PRKG1: variants seen among roughly 807,000 people sequenced by gnomAD.
PRKG1 encodes the protein protein kinase cGMP-dependent 1, also known as cGMP-dependent protein kinase 1.
PRKG1 carries 35 observed loss-of-function variants against 88.1 expected under a neutral mutation model. The observed-to-expected ratio is 0.40, with a 90% CI of 0.30 to 0.53. PRKG1 has a LOEUF of 0.53. Among genes scored for constraint, PRKG1 ranks in the 20% least tolerant of loss-of-function variants. PRKG1 has a pLI of 0.59. For missense variants in PRKG1, 540 were observed against 839.8 expected (o/e 0.64, Z 4.41); for synonymous variants, 303 against 292.5 (o/e 1.04, Z -0.37).
intron 3 of PRKG1, among the ~76,000 whole-genome samples, chr10:51,495,270 A>G (rs10823082): frequency 0.29 from 43,324 of 151,900 alleles, 7,213 homozygotes; most frequent in East Asian, 0.79. Flanking sequence ...AATTTTTTGT[A>G]TTTTTAGTAG....
intron 9 of PRKG1, 43 bp from the exon 10 acceptor site, chr10:52,251,527 G>C (rs1481464318): frequency 6.8e-7 from 1 of 1,478,162 alleles, no homozygotes; most frequent in South Asian, 1.1e-5. Context: ...ACTCGTGTTT[G>C]CACCTCTAAG....
rs188804190 is a variant in PRKG1, at chr10:51,739,476, C to T, written c.593-65109C>T. On this transcript the variant is annotated intron_variant, in intron 3 of 17. Coordinates refer to ENST00000373980, the MANE Select transcript of PRKG1 (RefSeq NM_006258.4). ...TAACCTCTTTGAATTTTTATATCCC[C>T]AACAATGCCCATCTTCATGGGTATT... Among the ~76,000 whole-genome samples, 8 of 152,224 alleles carry T rather than the reference C, an allele frequency of 5.3e-5. No individual in the cohort carries two copies. The South Asian group carries it at 1.2e-3, about 24-fold the overall frequency.
intron 2 of PRKG1, among the ~76,000 whole-genome samples, chr10:51,296,612 C>T (rs184899652): frequency 1.0e-3 from 154 of 151,934 alleles, no homozygotes; most frequent in Non-Finnish European, 2.4e-4. Flanking sequence ...TTTGTTGATG[C>T]TTTCAAAAAA....
In PRKG1 at chr10:51,410,226, ATG is replaced by A. The variant is rs1160612910; in HGVS notation, c.479-57487_479-57486del. Among the ~76,000 whole-genome samples the A allele has an allele frequency of 7.1e-5, 10 of 141,326 alleles. No individual in the cohort carries two copies. The East Asian group carries it at 7.9e-4, about 11-fold the overall frequency. The allele number at this position is 141,326 out of a possible 152,430, so 92.7% of individuals were successfully genotyped here. A position where few individuals can be genotyped will look rare whatever the true frequency, so the allele number is the denominator to read the frequency against. On this transcript the variant is annotated intron_variant, in intron 2 of 17. Coordinates refer to ENST00000373980, the MANE Select transcript of PRKG1 (RefSeq NM_006258.4). ...ATAAAACTCCCCTTTACATATATAT[ATG>A]TGTGTGTGTATGTGTGTGTGTGTGT...
chr10:51,758,699 T>C (rs1306927894), intron 3 of PRKG1, among the ~76,000 whole-genome samples: 1 of 152,124 alleles, frequency 6.6e-6, no homozygotes, highest in African/African-American at 2.4e-5. Flanking sequence ...TTTATTATAC[T>C]TTAAGTTCTG....
intron 3 of PRKG1, among the ~76,000 whole-genome samples, chr10:51,587,161 T>C (rs532599117): frequency 6.6e-6 from 1 of 152,130 alleles, no homozygotes; most frequent in East Asian, 1.9e-4. Context: ...CTCCTTCTAG[T>C]TGGAAGACTT....
At position 52,080,862 on chromosome 10, in the gene PRKG1, C is replaced by T. The variant is rs11000720; in HGVS notation, c.935+18231C>T. ...TATGCCACCAAGATCACTTTTAAGA[C>T]CATGTCATTCCTCTAGCTGTCCAGA... is the stretch of plus-strand genomic sequence containing the variant. On this transcript the variant is annotated intron_variant, in intron 7 of 17. Transcript: ENST00000373980. 4.6e-4 allele frequency among the ~76,000 whole-genome samples: 70 copies of T among 152,148 alleles called. 1 individual carries two copies. In the East Asian group the frequency reaches 0.013, roughly 27 times the overall value.
intron 14 of PRKG1, among the ~76,000 whole-genome samples, chr10:52,283,515 G>A (rs563292250): frequency 5.7e-4 from 86 of 152,100 alleles, no homozygotes; most frequent in African/African-American, 1.5e-3. Flanking sequence ...CTACAACAAC[G>A]ACAGTCATTG....
intron 3 of PRKG1, among the ~76,000 whole-genome samples, chr10:51,586,660 T>G (rs187499617): frequency 2.0e-5 from 3 of 152,288 alleles, no homozygotes; most frequent in African/African-American, 7.2e-5. Flanking sequence ...TAGCTCTGTT[T>G]AAAAATTTCT....
chr10:51,721,212 T>TAAAAAAAAAAAA (rs55873432), intron 3 of PRKG1, among the ~76,000 whole-genome samples: 3 of 122,070 alleles, frequency 2.5e-5, no homozygotes, highest in African/African-American at 9.4e-5. Context: ...CAAGACCTAT[T>TAAAAAAAAAAAA]AAAAAAAAAA....
At chr10:52,278,808 C>A (rs1365047867) in intron 12 of PRKG1, among the ~76,000 whole-genome samples, 1 of 150,352 alleles carries the variant, frequency 6.7e-6, no homozygotes, top group East Asian at 2.0e-4. Context: ...GAGGCTGAGG[C>A]AGGAGGATCA....
chr10:52,221,704 CACAA>C (rs1275529651), intron 9 of PRKG1, among the ~76,000 whole-genome samples: 9 of 152,160 alleles, frequency 5.9e-5, no homozygotes, highest in African/African-American at 2.2e-4. Flanking sequence ...GTTTTACATA[CACAA>C]ACAAGATGAT....
intron 1 of PRKG1, among the ~76,000 whole-genome samples, chr10:51,020,666 A>G (rs1173882457): frequency 2.0e-5 from 3 of 152,206 alleles, no homozygotes; most frequent in Non-Finnish European, 4.4e-5. Context: ...CAGTTTTCTC[A>G]TAGATTCTGT....
intron 4 of PRKG1, among the ~76,000 whole-genome samples, chr10:51,891,728 A>G (rs1589394254): frequency 1.3e-5 from 2 of 152,258 alleles, no homozygotes; most frequent in Non-Finnish European, 2.9e-5. Context: ...GCAACTACTC[A>G]CCTCTGCCAC....
chr10:51,287,988 A>G (rs942721713), intron 2 of PRKG1, among the ~76,000 whole-genome samples: 6 of 152,096 alleles, frequency 3.9e-5, no homozygotes, highest in Middle Eastern at 3.2e-3. Flanking sequence ...TCTGGATCCT[A>G]TGTATTTTGT....
At chr10:51,504,736 G>A (rs1218312625) in intron 3 of PRKG1, among the ~76,000 whole-genome samples, 1 of 152,122 alleles carries the variant, frequency 6.6e-6, no homozygotes, top group Non-Finnish European at 1.5e-5. Flanking sequence ...TGAAGCAATT[G>A]TAAATGGGAA....
intron 9 of PRKG1, among the ~76,000 whole-genome samples, chr10:52,237,366 A>T (rs1193503565): frequency 7.4e-6 from 1 of 135,950 alleles, no homozygotes; most frequent in Non-Finnish European, 1.6e-5. Flanking sequence ...TTAGGAAAAG[A>T]GGAAGTCAAA....
Position 51,997,988 on chromosome 10 carries a change from C to T in PRKG1, c.763-56496C>T, listed in dbSNP as rs185733577. Among the ~76,000 whole-genome samples the T allele has an allele frequency of 2.5e-3, 385 of 152,210 alleles. 2 individuals carry two copies. The highest frequency in any genetic ancestry group is 8.6e-3 in the African/African-American group (358 of 41,536). ...CTCTTTTCTATTCTCAGAAAGAAAG[C>T]TTTCAATGTTTGACCATAAAAACAT... On this transcript the variant is annotated intron_variant, in intron 5 of 17. Coordinates refer to ENST00000373980, the MANE Select transcript of PRKG1 (RefSeq NM_006258.4).
At chr10:51,996,026 T>A (rs1195307032) in intron 5 of PRKG1, among the ~76,000 whole-genome samples, 1 of 151,954 alleles carries the variant, frequency 6.6e-6, no homozygotes, top group Admixed American at 6.6e-5. Flanking sequence ...GGTACAGAGA[T>A]AACTGGCCGG....
Sources: gnomAD v4.1 joint callset for allele counts (sites outside exome capture counted in the v4.1 genomes callset) on GRCh38, gnomAD v4.1.1 for gene constraint, MANE v1.5 for transcripts, NCBI Gene and HGNC (gene_info 2026-07-23, HGNC 2026-07-21) for gene names.